The following ZEB2 variants were observed in gnomAD, a reference collection of about 807,000 sequenced individuals.
The protein encoded by ZEB2 is zinc finger E-box-binding homeobox 2.
ZEB2 carries 6 observed loss-of-function variants against 99.9 expected under a neutral mutation model. The observed-to-expected ratio is 0.06, with a 90% CI of 0.03 to 0.12. The LOEUF is 0.12. Ranked by LOEUF, ZEB2 falls within the 10% of genes least tolerant of loss-of-function variation. ZEB2 has a pLI of 1.00. For synonymous variants in ZEB2, 517 were observed against 542.5 expected, an observed-to-expected ratio of 0.95 and a Z score of 0.65; for missense variants, 969 against 1,502.8, an observed-to-expected ratio of 0.64 and a Z score of 5.87.
chr2:144,466,917 C>T (rs1208584145), intron 2 of ZEB2, among the ~76,000 whole-genome samples: 1 of 152,118 alleles, frequency 6.6e-6, no homozygotes, highest in African/African-American at 2.4e-5. Flanking sequence ...TGACATTATG[C>T]TGTAGGATGT....
intron 4 of ZEB2, among the ~76,000 whole-genome samples, chr2:144,410,588 G>C (rs571555761): frequency 7.9e-5 from 12 of 152,240 alleles, no homozygotes; most frequent in Non-Finnish European, 1.5e-4. Flanking sequence ...AGTGGGCTTT[G>C]CTTAGTGTTT....
At position 144,389,747 on chromosome 2, in the gene ZEB2, T is replaced by C; in HGVS notation, c.3349A>G (p.Thr1117Ala). The C allele has an allele frequency of 6.2e-7, 1 of 1,610,122 alleles. No individual in the cohort carries two copies. The highest frequency in any genetic ancestry group is 8.5e-7 in the Non-Finnish European group (1 of 1,177,364). ...LMNRAYLQSI[T>A]PQGYSDSEER... ...TCCGAGTCAGAGTACCCCTGAGGGG[T>C]AATGCTCTGCAAGTAAGCCCGGTTC... is the stretch of plus-strand genomic sequence containing the variant. The change falls in exon 10 of 10, where the codon ACC becomes GCC. Residue 1117 changes from threonine to alanine, a missense_variant. Around this residue, in one of 8 missense-constraint regions of ZEB2, gnomAD observed 121 missense variants for 166.4 expected, o/e 0.73. Transcript: ENST00000627532. The surrounding 1 kb of genome is among the most constrained non-coding windows in gnomAD (Gnocchi z 6.8).
intron 6 of ZEB2, among the ~76,000 whole-genome samples, chr2:144,403,525 G>A (rs1703340464): frequency 6.6e-6 from 1 of 152,072 alleles, no homozygotes; most frequent in Non-Finnish European, 1.5e-5. Flanking sequence ...CTTTTTCTAT[G>A]ACTTAGATCC....
Position 144,415,151 on chromosome 2 carries a change from C to T in ZEB2, c.403+9645G>A, listed in dbSNP as rs558938330. Among the ~76,000 whole-genome samples, 6 of 151,774 alleles carry T rather than the reference C, an allele frequency of 4.0e-5. No individual in the cohort carries two copies. In the South Asian group the frequency reaches 1.2e-3, roughly 32 times the overall value. ...TTTTTCAAATTCTCTGTTCAAGATGCTTATTTAAAATTTCCATTTAATATT... is the reference window on the plus strand; with the variant it reads ...TTTTTCAAATTCTCTGTTCAAGATGTTTATTTAAAATTTCCATTTAATATT... On this transcript the variant is annotated intron_variant, in intron 4 of 9. Transcript: ENST00000627532.
At chr2:144,416,140 G>A (rs1040183226) in intron 4 of ZEB2, among the ~76,000 whole-genome samples, 1 of 152,142 alleles carries the variant, frequency 6.6e-6, no homozygotes, top group Non-Finnish European at 1.5e-5. Flanking sequence ...CTATCATCCA[G>A]TTTCTCATTC....
intron 2 of ZEB2, among the ~76,000 whole-genome samples, chr2:144,479,247 G>A (rs1704473544): frequency 6.6e-6 from 1 of 152,144 alleles, no homozygotes; most frequent in African/African-American, 2.4e-5. Flanking sequence ...GTGAGTATTT[G>A]AGAAACCACA....
At chr2:144,510,710 C>G (rs1052818231) in intron 2 of ZEB2, among the ~76,000 whole-genome samples, 1 of 151,840 alleles carries the variant, frequency 6.6e-6, no homozygotes, top group Non-Finnish European at 1.5e-5. Flanking sequence ...CTCTCTCTCT[C>G]TCTCTCTTTC....
chr2:144,511,273 G>A (rs1705033830), intron 2 of ZEB2: 1 of 552,170 alleles, frequency 1.8e-6, no homozygotes, highest in East Asian at 8.5e-5. Flanking sequence ...AGAACGGAAA[G>A]AAGAGAAAAG....
chr2:144,408,143 A>T (rs1465354705), intron 4 of ZEB2, among the ~76,000 whole-genome samples: 1 of 152,208 alleles, frequency 6.6e-6, no homozygotes, highest in Non-Finnish European at 1.5e-5. Context: ...AAAATACATC[A>T]AATCATGCGC....
intron 9 of ZEB2, among the ~76,000 whole-genome samples, chr2:144,395,393 C>T (rs1703213507): frequency 1.3e-5 from 2 of 151,656 alleles, no homozygotes; most frequent in Non-Finnish European, 2.9e-5. Context: ...GTTTTTTTTC[C>T]TCCATATTGA....
chr2:144,499,824 C>T (rs767969484), intron 2 of ZEB2, among the ~76,000 whole-genome samples: 3 of 151,950 alleles, frequency 2.0e-5, no homozygotes, highest in Non-Finnish European at 2.9e-5. Flanking sequence ...AATTTTGACC[C>T]GTGTAACAAT....
intron 2 of ZEB2, among the ~76,000 whole-genome samples, chr2:144,435,201 G>C (rs1560623104): frequency 6.6e-6 from 1 of 152,142 alleles, no homozygotes; most frequent in Non-Finnish European, 1.5e-5. Context: ...GCTTCCTCAA[G>C]TAGGAAGGCC....
chr2:144,469,908 T>C (rs919884266), intron 2 of ZEB2, among the ~76,000 whole-genome samples: 1 of 152,156 alleles, frequency 6.6e-6, no homozygotes, highest in Admixed American at 6.6e-5. Context: ...GAAATGAAGC[T>C]CTAAGAAGCT....
intron 2 of ZEB2, chr2:144,513,019 T>C (rs979065373): frequency 7.8e-7 from 1 of 1,287,234 alleles, no homozygotes; most frequent in Non-Finnish European, 1.0e-6. Context: ...GGACTGACAG[T>C]GATCCGAAGG....
At chr2:144,454,271 A>T (rs1704091793) in intron 2 of ZEB2, among the ~76,000 whole-genome samples, 2 of 152,226 alleles carry the variant, frequency 1.3e-5, no homozygotes, top group Non-Finnish European at 2.9e-5. Context: ...TCCGATAGTA[A>T]CTTTTTAAAA....
At chr2:144,515,201 C>CA (rs35140204) in intron 2 of ZEB2, among the ~76,000 whole-genome samples, 20,941 of 144,098 alleles carry the variant, frequency 0.15, 1,503 homozygotes, top group Middle Eastern at 0.22. Flanking sequence ...CTTTTTCTCT[C>CA]AAAAAAAAAA....
Position 144,517,484 on chromosome 2 carries a change from C to G in ZEB2, c.-69-65G>C, listed in dbSNP as rs1034715208. 8 of 1,126,418 alleles carry G rather than the reference C, an allele frequency of 7.1e-6. No homozygotes were observed. In the African/African-American group the frequency reaches 1.2e-4, roughly 17 times the overall value. The allele number at this position is 1,126,418 out of a possible 1,614,324, so 69.8% of individuals were successfully genotyped here. A position where few individuals can be genotyped will look rare whatever the true frequency, so the allele number is the denominator to read the frequency against. The stretch of plus-strand genomic sequence containing the variant: ...GCCCATTGAAACGCGCGCGGGCCGC[C>G]CAGGGGAGCCGGGCCAGGGCCCCGG... On this transcript the variant is annotated intron_variant, in intron 1 of 9. Coordinates refer to ENST00000627532, the MANE Select transcript of ZEB2 (RefSeq NM_014795.4).
intron 2 of ZEB2, chr2:144,495,899 C>T (rs1704751310): frequency 6.6e-6 from 1 of 152,228 alleles, no homozygotes; most frequent in Non-Finnish European, 1.5e-5. Flanking sequence ...TGGCTTGGCC[C>T]ACCTCTGCCA....
At chr2:144,513,740 C>G (rs575160667) in intron 2 of ZEB2, 2 of 1,535,906 alleles carry the variant, frequency 1.3e-6, no homozygotes, top group Admixed American at 2.0e-5. Flanking sequence ...CGGGCCGCAC[C>G]GGTGGCAAGC....
Sources: allele counts gnomAD v4.1 joint callset (sites outside exome capture counted in the v4.1 genomes callset), GRCh38; gene constraint gnomAD v4.1.1; regional missense constraint gnomAD v4.1.1; non-coding constraint Gnocchi (gnomAD v3.1); transcripts MANE v1.5; gene names NCBI Gene and HGNC (gene_info 2026-07-23, HGNC 2026-07-21).